Variants in PLEKHH2 observed in about 807,000 individuals in gnomAD.
PLEKHH2 encodes pleckstrin homology, MyTH4 and FERM domain containing H2.
PLEKHH2 carries 129 observed loss-of-function variants against 187.9 expected under a neutral mutation model. The ratio of observed to expected loss-of-function variants is 0.69; its 90% CI spans 0.59 to 0.79. The LOEUF is 0.79. Among genes scored for constraint, PLEKHH2 ranks in the 30% least tolerant of loss-of-function variants. The pLI is 0.00. For missense variants in PLEKHH2, 2,076 were observed against 1,751.2 expected, an observed-to-expected ratio of 1.19 and a Z score of -3.31; for synonymous variants, 686 against 605.6, an observed-to-expected ratio of 1.13 and a Z score of -1.95.
At chr2:43,706,254 C>A in intron 9 of PLEKHH2, 68 bp from the exon 10 acceptor site, 1 of 1,058,680 alleles carries the variant, frequency 9.4e-7, no homozygotes, top group Non-Finnish European at 1.5e-6. Context: ...CATTTGTATT[C>A]ATAAGAAAAA....
At chr2:43,702,755 G>C (rs1425967406) in intron 8 of PLEKHH2, among the ~76,000 whole-genome samples, 2 of 151,896 alleles carry the variant, frequency 1.3e-5, no homozygotes, top group Non-Finnish European at 2.9e-5. Context: ...CTTATTTTAA[G>C]GCATAGCCTA....
rs1025930371 is a variant in PLEKHH2, at chr2:43,712,441, C to T, written c.2460+58C>T. 5.8e-6 allele frequency: 9 copies of T among 1,540,064 alleles called. No individual in the cohort carries two copies. The Admixed American group carries it at 1.4e-4, about 24-fold the overall frequency. ...GCAGCTATGGGCATGAGCCCATGAT[C>T]GCTGAAAATGGGATGTCAGAGCATA... On this transcript the variant is annotated intron_variant, in intron 15 of 29. Transcript: ENST00000282406.
rs985991985 is a variant in PLEKHH2 at position 43,669,994 on chromosome 2, G to A, written c.124-8869G>A. ...CAGTGTAATTTAAGAAACGTTTACAGAACCTTAAAAAAGCAAAATATTGCA... is the reference window on the plus strand; with the variant it reads ...CAGTGTAATTTAAGAAACGTTTACAAAACCTTAAAAAAGCAAAATATTGCA... On this transcript the variant is annotated intron_variant, in intron 2 of 29. Transcript: ENST00000282406. Among the ~76,000 whole-genome samples the A allele has an allele frequency of 2.2e-4, 34 of 152,254 alleles. 1 individual carries two copies. Among genetic ancestry groups the A allele is most frequent in the Non-Finnish European group, 4.0e-4 (27 of 68,008 alleles).
At chr2:43,739,395 AT>A (rs1671455224) in intron 20 of PLEKHH2, among the ~76,000 whole-genome samples, 1 of 152,190 alleles carries the variant, frequency 6.6e-6, no homozygotes, top group South Asian at 2.1e-4. Flanking sequence ...TTACTCTTCA[AT>A]GAACACCTGT....
chr2:43,742,845 C>G lies in PLEKHH2; in HGVS notation c.3326C>G (p.Thr1109Ser). Residue 1109 changes from threonine to serine, a missense_variant, in exon 22 of 30, where the codon ACT (threonine) becomes AGT (serine). Thr to Ser is a moderately conservative substitution (Grantham distance 58). Coordinates refer to ENST00000282406, the MANE Select transcript of PLEKHH2 (RefSeq NM_172069.4). ...ARPSRMEILS[T>S]LLRNPYHHSL... ...CCCTCAAGGATGGAAATTCTTTCAA[C>G]TCTTCTCCGAAACCCTTATCACCAT... 1 of 1,609,884 alleles carries G rather than the reference C, an allele frequency of 6.2e-7. No individual in the cohort carries two copies. Among genetic ancestry groups the G allele is most frequent in the South Asian group, 1.1e-5 (1 of 90,148 alleles).
chr2:43,692,831 G>T (rs1668877694), intron 4 of PLEKHH2, among the ~76,000 whole-genome samples, 168 bp downstream of exon 4: 1 of 152,166 alleles, frequency 6.6e-6, no homozygotes, highest in African/African-American at 2.4e-5. Context: ...AAGTAAAATG[G>T]CATTCCTTTA....
At chr2:43,732,939 C>G (rs1380639922) in intron 19 of PLEKHH2, among the ~76,000 whole-genome samples, 1 of 151,720 alleles carries the variant, frequency 6.6e-6, no homozygotes, top group African/African-American at 2.4e-5. Flanking sequence ...TCACAGCCAA[C>G]TTTCTGCCTT....
intron 2 of PLEKHH2, among the ~76,000 whole-genome samples, chr2:43,667,934 T>G (rs1328060683): frequency 6.6e-6 from 1 of 152,234 alleles, no homozygotes; most frequent in Non-Finnish European, 1.5e-5. Context: ...GTGGTTAATT[T>G]TGTGGCATGT....
chr2:43,703,767 A>G (rs995571866), intron 8 of PLEKHH2, among the ~76,000 whole-genome samples: 2 of 152,216 alleles, frequency 1.3e-5, no homozygotes, highest in Non-Finnish European at 2.9e-5. Context: ...AAGATAAATA[A>G]TGGAAAAACT....
At position 43,742,898 on chromosome 2, in the gene PLEKHH2, T is replaced by C. The variant is rs1671635091; in HGVS notation, c.3379T>C (p.Phe1127Leu). ...HSLPFSIPVH[F>L]MNGIYQVVGF... ...TTTGCCCTTTAGTATACCTGTGCAC[T>C]TCATGAATGGGATATACCAGGTAGG... Residue 1127 changes from phenylalanine to leucine, a missense_variant, in exon 22 of 30, where the codon TTC (phenylalanine) becomes CTC (leucine). Physicochemically the swap from Phe to Leu is conservative, Grantham distance 22. Coordinates refer to ENST00000282406, the MANE Select transcript of PLEKHH2 (RefSeq NM_172069.4). 1 of 1,573,476 alleles carries C rather than the reference T, an allele frequency of 6.4e-7. No homozygotes were observed. Among genetic ancestry groups the C allele is most frequent in the Non-Finnish European group, 8.6e-7 (1 of 1,163,372 alleles).
intron 5 of PLEKHH2, among the ~76,000 whole-genome samples, 179 bp from the exon 6 acceptor site, chr2:43,694,964 A>C (rs565609319): frequency 6.6e-6 from 1 of 152,262 alleles, no homozygotes; most frequent in African/African-American, 2.4e-5. Flanking sequence ...TTGATACCAT[A>C]ATTATCTAGG....
At chr2:43,739,509 C>T (rs114729185) in intron 20 of PLEKHH2, among the ~76,000 whole-genome samples, 420 of 152,142 alleles carry the variant, frequency 2.8e-3, no homozygotes, top group African/African-American at 9.6e-3. Flanking sequence ...TTTGTGAGAC[C>T]GAAGCTTATA....
intron 25 of PLEKHH2, among the ~76,000 whole-genome samples, chr2:43,754,205 CA>C (rs148172112): frequency 1.9e-4 from 27 of 143,178 alleles, no homozygotes; most frequent in African/African-American, 7.2e-4. Context: ...CACACACACA[CA>C]AAATTAATAC....
chr2:43,676,326 C>T (rs757331140), intron 2 of PLEKHH2: 15 of 1,598,124 alleles, frequency 9.4e-6, no homozygotes, highest in Non-Finnish European at 1.1e-5. Context: ...AAACCATTTT[C>T]CAGGCGTTAG....
intron 8 of PLEKHH2, among the ~76,000 whole-genome samples, chr2:43,701,959 G>T (rs1280012436): frequency 1.3e-5 from 2 of 152,028 alleles, no homozygotes; most frequent in African/African-American, 4.8e-5. Flanking sequence ...AGTAGAGGTG[G>T]GGTTTCACCA....
intron 1 of PLEKHH2, among the ~76,000 whole-genome samples, chr2:43,640,881 C>A (rs1165358553): frequency 6.6e-6 from 1 of 151,368 alleles, no homozygotes; most frequent in African/African-American, 2.4e-5. Context: ...ACCTCCTGGG[C>A]TCAAGTGATC....
chr2:43,702,947 C>G (rs1011094545), intron 8 of PLEKHH2, among the ~76,000 whole-genome samples: 1 of 152,130 alleles, frequency 6.6e-6, no homozygotes, highest in African/African-American at 2.4e-5. Flanking sequence ...CACTTTCCCC[C>G]AGTCTCCTAG....
chr2:43,657,203 G>C (rs570943008), intron 2 of PLEKHH2, among the ~76,000 whole-genome samples: 1 of 152,136 alleles, frequency 6.6e-6, no homozygotes, highest in Non-Finnish European at 1.5e-5. Context: ...GCGGGTGCTC[G>C]GACAGCTGGG....
chr2:43,765,577 C>A lies in PLEKHH2; in HGVS notation c.4461C>A (p.Thr1487=), dbSNP rs1275782343. Residue 1487 remains threonine, a synonymous_variant, in exon 30 of 30, where the codon ACC becomes ACA. Transcript: ENST00000282406. ...SQPLLSSSRP[T]KGPTLL ...CTCTTCTGTCAAGCAGCAGACCGAC[C>A]AAAGGCCCCACCTTACTCTGAAAGC... 3.7e-6 allele frequency: 6 copies of A among 1,613,730 alleles called. No individual in the cohort carries two copies. The highest frequency in any genetic ancestry group is 5.1e-6 in the Non-Finnish European group (6 of 1,179,958).
Sources: gnomAD v4.1 joint callset for allele counts (sites outside exome capture counted in the v4.1 genomes callset) on GRCh38, gnomAD v4.1.1 for gene constraint, MANE v1.5 for transcripts, NCBI Gene and HGNC (gene_info 2026-07-23, HGNC 2026-07-21) for gene names.